Variants in GALNTL6 observed in about 807,000 individuals in gnomAD.
GALNTL6 encodes the protein polypeptide N-acetylgalactosaminyltransferase-like 6.
In GALNTL6, 46 loss-of-function variants were observed where a neutral mutation model predicts 73.7. The ratio of observed to expected loss-of-function variants is 0.62; its 90% CI spans 0.49 to 0.80. The LOEUF (loss-of-function observed/expected upper bound fraction) is 0.80. GALNTL6 is among the 30% of genes least tolerant of loss of function. The pLI is 0.00. For synonymous variants in GALNTL6, 259 were observed against 263.7 expected, an observed-to-expected ratio of 0.98 and a Z score of 0.17; for missense variants, 604 against 755.0, an observed-to-expected ratio of 0.80 and a Z score of 2.34.
chr4:172,865,677 C>T (rs911147142), intron 7 of GALNTL6, among the ~76,000 whole-genome samples: 4 of 151,230 alleles, frequency 2.6e-5, no homozygotes, highest in Admixed American at 1.3e-4. Context: ...TTTATATCAC[C>T]TCCTCTGTCT....
intron 5 of GALNTL6, among the ~76,000 whole-genome samples, chr4:172,592,962 A>G (rs1737709911): frequency 5.9e-5 from 9 of 151,996 alleles, no homozygotes; most frequent in Admixed American, 5.9e-4. Context: ...TTATCCTAGG[A>G]TTTGAAATAT....
chr4:172,327,328 A>G (rs993508884), intron 4 of GALNTL6, among the ~76,000 whole-genome samples: 9 of 152,232 alleles, frequency 5.9e-5, no homozygotes, highest in East Asian at 1.9e-4. Context: ...TATGTGGTCA[A>G]TTTTAGAGTG....
In GALNTL6 at chr4:172,960,141, T is replaced by C. The variant is rs184158316; in HGVS notation, c.1371+7883T>C. Among the ~76,000 whole-genome samples, 531 of 152,348 alleles carry C rather than the reference T, an allele frequency of 3.5e-3. 2 individuals are homozygous for C. Among genetic ancestry groups the C allele is most frequent in the African/African-American group, 0.012 (508 of 41,572 alleles). On this transcript the variant is annotated intron_variant, in intron 10 of 12. Coordinates refer to ENST00000506823, the MANE Select transcript of GALNTL6 (RefSeq NM_001034845.3). Reference sequence around the variant, plus strand: ...AAGAATAAGACGGCCTTCTGACCTTTCAGGGTCTAGGGCTGTAAAGCGTCT... The same window carrying C: ...AAGAATAAGACGGCCTTCTGACCTTCCAGGGTCTAGGGCTGTAAAGCGTCT...
At chr4:172,339,607 A>G (rs2111198198) in intron 4 of GALNTL6, among the ~76,000 whole-genome samples, 1 of 152,248 alleles carries the variant, frequency 6.6e-6, no homozygotes, top group South Asian at 2.1e-4. Context: ...TCCTGCTTTC[A>G]ACTCCAGTCG....
intron 7 of GALNTL6, among the ~76,000 whole-genome samples, chr4:172,843,895 C>A (rs1743349466): frequency 6.6e-6 from 1 of 151,894 alleles, no homozygotes; most frequent in African/African-American, 2.4e-5. Flanking sequence ...CATGTCTCTA[C>A]CAAAAACACA....
intron 5 of GALNTL6, among the ~76,000 whole-genome samples, chr4:172,389,696 TAATC>T (rs1743592872): frequency 6.6e-6 from 1 of 152,156 alleles, no homozygotes; most frequent in Non-Finnish European, 1.5e-5. Context: ...TTTTATTTCT[TAATC>T]AATAAAAGAA....
intron 5 of GALNTL6, among the ~76,000 whole-genome samples, chr4:172,688,001 G>A (rs973753830): frequency 7.2e-5 from 11 of 152,040 alleles, no homozygotes; most frequent in African/African-American, 1.9e-4. Flanking sequence ...TAAAGTGAAC[G>A]GCAAATGTGT....
intron 7 of GALNTL6, among the ~76,000 whole-genome samples, chr4:172,825,247 T>G (rs1742201784): frequency 1.3e-5 from 2 of 151,850 alleles, no homozygotes; most frequent in African/African-American, 2.4e-5. Context: ...TGAGACAAAA[T>G]GGAGTCTTGC....
At chr4:172,042,159 C>G (rs950846603) in intron 2 of GALNTL6, among the ~76,000 whole-genome samples, 1 of 151,996 alleles carries the variant, frequency 6.6e-6, no homozygotes, top group African/African-American at 2.4e-5. Context: ...TATTCCAACT[C>G]TTAATCCCAA....
intron 3 of GALNTL6, among the ~76,000 whole-genome samples, chr4:172,309,401 CTA>C (rs1491394817): frequency 8.5e-6 from 1 of 118,314 alleles, no homozygotes; most frequent in Non-Finnish European, 1.8e-5. Context: ...ATAAAAATCT[CTA>C]AAGATTTTTA....
chr4:172,734,175 A>G (rs996950168), intron 5 of GALNTL6, among the ~76,000 whole-genome samples: 7 of 152,162 alleles, frequency 4.6e-5, no homozygotes, highest in African/African-American at 1.4e-4. Flanking sequence ...AGATTAGGGT[A>G]TCTGGTGGAA....
At chr4:172,847,159 A>G (rs1743556997) in intron 7 of GALNTL6, among the ~76,000 whole-genome samples, 2 of 152,180 alleles carry the variant, frequency 1.3e-5, no homozygotes, top group African/African-American at 2.4e-5. Context: ...GCAAACATGA[A>G]CCAACCTTTA....
intron 5 of GALNTL6, among the ~76,000 whole-genome samples, chr4:172,372,715 T>C (rs1054071235): frequency 3.9e-5 from 6 of 152,174 alleles, no homozygotes; most frequent in Non-Finnish European, 7.4e-5. Context: ...GAAGGCTGTT[T>C]CTGCCTCTGG....
chr4:172,813,645 C>G lies in GALNTL6; in HGVS notation c.845C>G (p.Ala282Gly), dbSNP rs765730594. The G allele has an allele frequency of 1.2e-6, 2 of 1,613,290 alleles. No individual in the cohort carries two copies. Among genetic ancestry groups the G allele is most frequent in the African/African-American group, 1.3e-5 (1 of 74,860 alleles). The change falls in exon 7 of 13, where the codon GCC becomes GGC. Residue 282 changes from alanine to glycine, a missense_variant. Physicochemically the swap from Ala to Gly is moderately conservative, Grantham distance 60 (BLOSUM62 0). Around this residue, in one of 5 missense-constraint regions of GALNTL6, gnomAD observed 179 missense variants for 230.8 expected, o/e 0.78. Transcript: ENST00000506823. ...EAQAGDAMRG[A>G]FDWEMYYKRI... ...CAAGCTGGGGATGCCATGCGAGGAG[C>G]CTTCGACTGGGAAATGTACTACAAA...
chr4:172,042,859 A>G (rs555840088), intron 2 of GALNTL6, among the ~76,000 whole-genome samples: 76 of 105,426 alleles, frequency 7.2e-4, no homozygotes, highest in Non-Finnish European at 1.2e-3. Flanking sequence ...AGCAATCTTT[A>G]ACAGTAAAAA....
At chr4:172,998,491 C>G (rs1464725275) in intron 10 of GALNTL6, among the ~76,000 whole-genome samples, 1 of 152,122 alleles carries the variant, frequency 6.6e-6, no homozygotes, top group Non-Finnish European at 1.5e-5. Flanking sequence ...TATATCATTC[C>G]CATCACTATC....
At chr4:172,219,785 C>T (rs1190307833) in intron 2 of GALNTL6, among the ~76,000 whole-genome samples, 1 of 151,876 alleles carries the variant, frequency 6.6e-6, no homozygotes, top group Non-Finnish European at 1.5e-5. Flanking sequence ...CTATTTCTTC[C>T]TCCGAACACT....
chr4:172,609,476 A>C (rs1443043203), intron 5 of GALNTL6, among the ~76,000 whole-genome samples: 1 of 152,144 alleles, frequency 6.6e-6, no homozygotes. Flanking sequence ...CCGAACTTGC[A>C]TCCCAGGGAT....
At chr4:172,023,053 A>G (rs1741451913) in intron 2 of GALNTL6, among the ~76,000 whole-genome samples, 1 of 151,996 alleles carries the variant, frequency 6.6e-6, no homozygotes, top group Non-Finnish European at 1.5e-5. Flanking sequence ...CTTCTTTTCA[A>G]TACTCCTTTC....
Sources: gnomAD v4.1 joint callset for allele counts (sites outside exome capture counted in the v4.1 genomes callset) on GRCh38, gnomAD v4.1.1 for gene constraint, gnomAD v4.1.1 regional missense constraint, MANE v1.5 for transcripts, NCBI Gene and HGNC (gene_info 2026-07-23, HGNC 2026-07-21) for gene names.